Variants in TNFRSF19 observed in about 807,000 individuals in gnomAD.
The protein encoded by TNFRSF19 is TNF receptor superfamily member 19.
In TNFRSF19, 27 loss-of-function variants were observed where a neutral mutation model predicts 46.4. That is an observed-to-expected ratio of 0.58 (90% CI 0.43 to 0.80). The LOEUF (loss-of-function observed/expected upper bound fraction) is 0.80, where lower values mean the gene tolerates loss of function less well. TNFRSF19 is among the 30% of genes least tolerant of loss of function. The pLI is 0.00. For missense variants in TNFRSF19, 511 were observed against 530.8 expected (o/e 0.96, Z 0.37); for synonymous variants, 204 against 205.0 (o/e 1.00, Z 0.04).
chr13:23,659,287 C>A lies in TNFRSF19; in HGVS notation c.610+73C>A, dbSNP rs1260156170. ...TTATTACTATTGTCGTGCAAGTGTT[C>A]CACAAGAGACTTGGCTGAGACAAGC... On this transcript the variant is annotated intron_variant, in intron 6 of 9. Transcript: ENST00000248484. This position sits in a 1 kb window ranked among gnomAD's most constrained non-coding sequence, Gnocchi z 4.9. The A allele has an allele frequency of 6.7e-7, 1 of 1,491,612 alleles. No homozygotes were observed. Among genetic ancestry groups the A allele is most frequent in the Non-Finnish European group, 9.1e-7 (1 of 1,101,622 alleles). The allele number at this position is 1,491,612 out of a possible 1,614,324, so 92.4% of individuals were successfully genotyped here.
intron 2 of TNFRSF19, among the ~76,000 whole-genome samples, chr13:23,590,838 T>G (rs1004876024): frequency 1.3e-5 from 2 of 152,260 alleles, no homozygotes; most frequent in Non-Finnish European, 2.9e-5. Context: ...GATATTATTT[T>G]GCCTTTATAG....
At chr13:23,572,651 A>C (rs1877704458) in intron 1 of TNFRSF19, among the ~76,000 whole-genome samples, 1 of 152,174 alleles carries the variant, frequency 6.6e-6, no homozygotes, top group Non-Finnish European at 1.5e-5. Flanking sequence ...TTGAAAATCC[A>C]CTTCAGTGTT....
intron 9 of TNFRSF19, among the ~76,000 whole-genome samples, chr13:23,670,902 A>G (rs373419508): frequency 4.1e-4 from 63 of 152,348 alleles, no homozygotes; most frequent in African/African-American, 1.4e-3. Context: ...CAGCTGACTA[A>G]TGACTGTTTT....
At chr13:23,626,614 T>C in intron 4 of TNFRSF19, 93 bp from the exon 5 acceptor site, 1 of 1,197,532 alleles carries the variant, frequency 8.4e-7, no homozygotes, top group Non-Finnish European at 1.2e-6. Flanking sequence ...CTTTTAACCG[T>C]AGAACTGGTA....
At chr13:23,591,051 A>G (rs928628149) in intron 2 of TNFRSF19, among the ~76,000 whole-genome samples, 1 of 152,254 alleles carries the variant, frequency 6.6e-6, no homozygotes, top group African/African-American at 2.4e-5. Context: ...CAAAAGATTT[A>G]TGAATGTGTT....
chr13:23,602,367 G>T (rs1217632158), intron 3 of TNFRSF19, among the ~76,000 whole-genome samples: 1 of 152,020 alleles, frequency 6.6e-6, no homozygotes, highest in Admixed American at 6.6e-5. Flanking sequence ...CAAACCATGT[G>T]GGACAAAAAC....
At chr13:23,660,127 G>C (rs372325837) in intron 6 of TNFRSF19, among the ~76,000 whole-genome samples, 1 of 152,216 alleles carries the variant, frequency 6.6e-6, no homozygotes, top group Non-Finnish European at 1.5e-5. Flanking sequence ...TTACAAGGCT[G>C]TGATGTCCCT....
chr13:23,615,056 C>G lies in TNFRSF19; in HGVS notation c.181-811C>G, dbSNP rs560982617. Among the ~76,000 whole-genome samples, 423 of 152,284 alleles carry G rather than the reference C, an allele frequency of 2.8e-3. 1 individual carries two copies. Among genetic ancestry groups the G allele is most frequent in the South Asian group, 3.5e-3 (17 of 4,818 alleles). On this transcript the variant is annotated intron_variant, in intron 3 of 9. Coordinates refer to ENST00000248484, the MANE Select transcript of TNFRSF19 (RefSeq NM_148957.4). ...TTTTGTAAACAATGGAATCATACTT[C>G]TAATTCTGTATTAAAACTTATTTTT...
At chr13:23,621,203 G>A (rs572779906) in intron 4 of TNFRSF19, among the ~76,000 whole-genome samples, 400 of 152,308 alleles carry the variant, frequency 2.6e-3, no homozygotes, top group African/African-American at 3.7e-3. Context: ...AGTTGCCTGG[G>A]TTTTCGCATC....
In TNFRSF19 at chr13:23,653,907, T is replaced by A. The variant is rs201097916; in HGVS notation, c.446-5143T>A. On this transcript the variant is annotated intron_variant, in intron 5 of 9. Coordinates refer to ENST00000248484, the MANE Select transcript of TNFRSF19 (RefSeq NM_148957.4). ...GCCATGGGACTTTCTGGGCAGCAGA[T>A]CTATTGGAGTGTGCCTGGCAGCTGG... is the stretch of plus-strand genomic sequence containing the variant. Among the ~76,000 whole-genome samples, 3 of 152,114 alleles carry A rather than the reference T, an allele frequency of 2.0e-5. No homozygotes were observed. The East Asian group carries it at 5.8e-4, about 29-fold the overall frequency.
chr13:23,577,643 G>T (rs1455391886), intron 1 of TNFRSF19, among the ~76,000 whole-genome samples: 1 of 152,188 alleles, frequency 6.6e-6, no homozygotes, highest in East Asian at 1.9e-4. Context: ...TTTGAGCGAG[G>T]TGCTGAAACT....
intron 5 of TNFRSF19, among the ~76,000 whole-genome samples, chr13:23,649,502 G>A (rs1883516945): frequency 6.6e-6 from 1 of 151,678 alleles, no homozygotes; most frequent in Non-Finnish European, 1.5e-5. Flanking sequence ...TTTTCAAAAA[G>A]TCAACTTTTG....
At chr13:23,666,775 T>A (rs1210429779) in intron 7 of TNFRSF19, among the ~76,000 whole-genome samples, 1 of 152,186 alleles carries the variant, frequency 6.6e-6, no homozygotes, top group African/African-American at 2.4e-5. Flanking sequence ...GCACTGTATG[T>A]TTAGATGGTC....
intron 1 of TNFRSF19, among the ~76,000 whole-genome samples, chr13:23,580,957 C>CT (rs1290586366): frequency 6.6e-6 from 1 of 152,162 alleles, no homozygotes; most frequent in African/African-American, 2.4e-5. Context: ...AGTGCTAACT[C>CT]TGAGAGGTGG....
Position 23,668,749 on chromosome 13 carries a change from C to G in TNFRSF19, c.897C>G (p.Ser299=). The part of the protein sequence containing the change: ...VPTFFGSLTQ[S]ICGEFSDAWP... ...CTTTCTTCGGATCCCTCACGCAGTC[C>G]ATCTGTGGCGAGTTTTCAGATGCCT... The change falls in exon 9 of 10, where the codon TCC becomes TCG. Residue 299 remains serine (S), a synonymous_variant. Transcript: ENST00000248484. The G allele has an allele frequency of 6.2e-7, 1 of 1,614,248 alleles. No homozygotes were observed. Among genetic ancestry groups the G allele is most frequent in the Non-Finnish European group, 8.5e-7 (1 of 1,180,042 alleles).
In TNFRSF19 at chr13:23,673,536, G is replaced by T; in HGVS notation, c.*156G>T. 1 of 1,306,910 alleles carries T rather than the reference G, an allele frequency of 7.7e-7. No individual in the cohort carries two copies. The allele number at this position is 1,306,910 out of a possible 1,614,324, so 81.0% of individuals were successfully genotyped here. ...GGCATTTGAAGCCTTTCAGCCAGTT[G>T]CTTCTGAGCCAGACCAGCTGTAAGC... On this transcript the variant is annotated 3_prime_UTR_variant, in exon 10 of 10. Coordinates refer to ENST00000248484, the MANE Select transcript of TNFRSF19 (RefSeq NM_148957.4).
rs373247986 is a variant in TNFRSF19, at chr13:23,615,893, T to A, written c.207T>A (p.Asp69Glu). The A allele has an allele frequency of 2.4e-5, 38 of 1,612,038 alleles. No homozygotes were observed. The highest frequency in any genetic ancestry group is 3.2e-5 in the Non-Finnish European group (38 of 1,178,792). ...SKECGFGYGE[D>E]AQCVTCRLHR... ...AATGTGGCTTCGGCTATGGGGAGGA[T>A]GCACAGTGTGTGACGTGCCGGCTGC... Residue 69 changes from aspartate (D) to glutamate (E), a missense_variant, in exon 4 of 10, where the codon GAT becomes GAA. Physicochemically the swap from Asp to Glu is conservative, Grantham distance 45 (BLOSUM62 2). This residue lies in a region of TNFRSF19 where 121 missense variants were observed against 124.1 expected (regional missense o/e 0.98). Coordinates refer to ENST00000248484, the MANE Select transcript of TNFRSF19 (RefSeq NM_148957.4).
At chr13:23,578,293 T>C (rs1878105294) in intron 1 of TNFRSF19, among the ~76,000 whole-genome samples, 1 of 152,150 alleles carries the variant, frequency 6.6e-6, no homozygotes, top group Admixed American at 6.5e-5. Context: ...TTGGAAATCG[T>C]TTACCAATAA....
At position 23,659,307 on chromosome 13, in the gene TNFRSF19, A is replaced by G; in HGVS notation, c.610+93A>G. The stretch of plus-strand genomic sequence containing the variant: ...GTGTTCCACAAGAGACTTGGCTGAG[A>G]CAAGCACCAGTGAGTTGTGAAAGAA... On this transcript the variant is annotated intron_variant, in intron 6 of 9. Transcript: ENST00000248484. The surrounding 1 kb of genome is among the most constrained non-coding windows in gnomAD (Gnocchi z 4.9). The G allele has an allele frequency of 7.2e-7, 1 of 1,391,904 alleles. No individual in the cohort carries two copies. Among genetic ancestry groups the G allele is most frequent in the Non-Finnish European group, 9.8e-7 (1 of 1,020,842 alleles). The allele number at this position is 1,391,904 out of a possible 1,614,324, so 86.2% of individuals were successfully genotyped here. A position where few individuals can be genotyped will look rare whatever the true frequency, so the allele number is the denominator to read the frequency against.
Sources: gnomAD v4.1 joint callset for allele counts (sites outside exome capture counted in the v4.1 genomes callset) on GRCh38, gnomAD v4.1.1 for gene constraint, gnomAD v4.1.1 regional missense constraint, Gnocchi (gnomAD v3.1) non-coding constraint, MANE v1.5 for transcripts, NCBI Gene and HGNC (gene_info 2026-07-23, HGNC 2026-07-21) for gene names.